The following ACOXL variants were observed in gnomAD, a reference collection of about 807,000 sequenced individuals.
ACOXL encodes the protein acyl-coenzyme A oxidase-like protein.
Under a neutral mutation model 71.9 loss-of-function variants are expected in ACOXL, and 70 were observed. That is an observed-to-expected ratio of 0.97 (90% confidence interval 0.80 to 1.19). The LOEUF (loss-of-function observed/expected upper bound fraction) is 1.19, where lower values mean the gene tolerates loss of function less well. Among genes scored for constraint, ACOXL ranks in the 50% most tolerant of loss-of-function variants. ACOXL has a pLI of 0.00. For missense variants in ACOXL, 703 were observed against 736.3 expected (o/e 0.95, Z 0.52); for synonymous variants, 253 against 281.6 (o/e 0.90, Z 1.02).
intron 1 of ACOXL, among the ~76,000 whole-genome samples, chr2:110,740,829 C>T (rs796673947): frequency 1.4e-4 from 22 of 152,198 alleles, no homozygotes; most frequent in African/African-American, 3.6e-4. Context: ...TGGCCAGGTC[C>T]GGTGGGACAC....
At chr2:110,799,454 G>T (rs1685688250) in intron 7 of ACOXL, among the ~76,000 whole-genome samples, 1 of 152,160 alleles carries the variant, frequency 6.6e-6, no homozygotes, top group South Asian at 2.1e-4. Flanking sequence ...CCACCTGTCT[G>T]CTCTCTGTGC....
At chr2:110,801,747 A>G in intron 8 of ACOXL, 23 bp downstream of exon 8, 1 of 1,605,408 alleles carries the variant, frequency 6.2e-7, no homozygotes, top group African/African-American at 1.3e-5. Flanking sequence ...TCCTTAACTC[A>G]GGTCAATGGT....
chr2:110,992,294 C>T (rs368763422), intron 13 of ACOXL, among the ~76,000 whole-genome samples: 6 of 152,302 alleles, frequency 3.9e-5, no homozygotes, highest in South Asian at 2.1e-4. Context: ...ACTTAAATCC[C>T]GAAACTTTAC....
At chr2:111,017,340 A>G (rs2064502910) in intron 14 of ACOXL, among the ~76,000 whole-genome samples, 1 of 152,204 alleles carries the variant, frequency 6.6e-6, no homozygotes, top group Non-Finnish European at 1.5e-5. Flanking sequence ...TTGTCTTGCC[A>G]CATAACCAGC....
chr2:110,943,158 A>C (rs1399332615), intron 12 of ACOXL, among the ~76,000 whole-genome samples: 1 of 107,680 alleles, frequency 9.3e-6, no homozygotes, highest in East Asian at 3.2e-4. Flanking sequence ...AAGAGAAAGA[A>C]AAAGAAAAAG....
chr2:110,912,865 C>T (rs2059695949), intron 11 of ACOXL, among the ~76,000 whole-genome samples: 2 of 152,144 alleles, frequency 1.3e-5, no homozygotes, highest in South Asian at 4.1e-4. Flanking sequence ...CTGGTATATA[C>T]ATCTGGACTT....
chr2:110,817,102 G>A (rs1034154153), intron 9 of ACOXL, among the ~76,000 whole-genome samples: 3 of 152,224 alleles, frequency 2.0e-5, no homozygotes, highest in Non-Finnish European at 4.4e-5. Context: ...AGCTGTCTGC[G>A]AACTGAATTC....
At chr2:110,961,215 A>T (rs2061689539) in intron 12 of ACOXL, among the ~76,000 whole-genome samples, 1 of 152,210 alleles carries the variant, frequency 6.6e-6, no homozygotes, top group African/African-American at 2.4e-5. Context: ...TCAGTTCTCA[A>T]GGGCCAGGTA....
At chr2:110,782,812 C>T (rs984677867) in intron 2 of ACOXL, among the ~76,000 whole-genome samples, 12 of 152,136 alleles carry the variant, frequency 7.9e-5, no homozygotes, top group African/African-American at 2.9e-4. Flanking sequence ...TGTGCTTACT[C>T]CTGATTATTT....
intron 10 of ACOXL, among the ~76,000 whole-genome samples, chr2:110,878,428 GA>G: frequency 6.6e-6 from 1 of 152,326 alleles, no homozygotes; most frequent in Middle Eastern, 3.4e-3. Context: ...GTGTAGGAAA[GA>G]ATGAACAGCT....
chr2:110,778,333 GT>G (rs1029157584), intron 2 of ACOXL, among the ~76,000 whole-genome samples: 10 of 152,194 alleles, frequency 6.6e-5, no homozygotes, highest in African/African-American at 2.4e-4. Flanking sequence ...TTACAGGAAA[GT>G]TAAAAATGCA....
At chr2:111,113,037 C>G (rs1464618558) in intron 17 of ACOXL, 1 of 152,272 alleles carries the variant, frequency 6.6e-6, no homozygotes, top group African/African-American at 2.4e-5. Context: ...CCACACTAGG[C>G]ACACACAGAA....
At chr2:110,884,605 G>T (rs2149110757) in intron 10 of ACOXL, among the ~76,000 whole-genome samples, 1 of 152,214 alleles carries the variant, frequency 6.6e-6, no homozygotes, top group Middle Eastern at 3.4e-3. Flanking sequence ...TAAAGAGGTT[G>T]GATGGATACA....
chr2:111,035,224 A>G (rs545557325), intron 15 of ACOXL, among the ~76,000 whole-genome samples: 2 of 152,304 alleles, frequency 1.3e-5, no homozygotes, highest in East Asian at 1.9e-4. Flanking sequence ...AGCCATTTTT[A>G]TTAGGAACAA....
chr2:110,984,324 A>G (rs752151799), intron 12 of ACOXL, among the ~76,000 whole-genome samples: 4 of 152,148 alleles, frequency 2.6e-5, no homozygotes, highest in Non-Finnish European at 5.9e-5. Context: ...CACCTCTATG[A>G]GGTAAAACAA....
chr2:110,793,563 C>A, intron 3 of ACOXL, 87 bp from the exon 4 acceptor site: 1 of 1,244,790 alleles, frequency 8.0e-7, no homozygotes, highest in South Asian at 1.2e-5. Context: ...TGAATAGCTG[C>A]TCCCTGATTG....
At chr2:111,116,970 C>T (rs985874106) in intron 17 of ACOXL, among the ~76,000 whole-genome samples, 5 of 152,246 alleles carry the variant, frequency 3.3e-5, no homozygotes, top group African/African-American at 1.2e-4. Context: ...AGGGCATCCG[C>T]GGCGTTCCTT....
At chr2:110,914,730 A>G (rs539484364) in intron 11 of ACOXL, among the ~76,000 whole-genome samples, 1 of 152,326 alleles carries the variant, frequency 6.6e-6, no homozygotes, top group African/African-American at 2.4e-5. Context: ...CAGTGGTGAG[A>G]TGGACATCCT....
intron 1 of ACOXL, among the ~76,000 whole-genome samples, chr2:110,764,560 C>T (rs1324619632): frequency 6.6e-6 from 1 of 152,118 alleles, no homozygotes; most frequent in Non-Finnish European, 1.5e-5. Context: ...CCGTATGATA[C>T]TATAATAGTA....
Sources: allele counts gnomAD v4.1 joint callset (sites outside exome capture counted in the v4.1 genomes callset), GRCh38; gene constraint gnomAD v4.1.1; transcripts MANE v1.5; gene names NCBI Gene and HGNC (gene_info 2026-07-23, HGNC 2026-07-21).